TRHR: variants seen among roughly 807,000 people sequenced by gnomAD.
The protein encoded by TRHR is thyrotropin releasing hormone receptor, also known as thyrotropin-releasing hormone receptor.
A neutral mutation model predicts 28.0 loss-of-function variants in TRHR; 14 were observed. That is an observed-to-expected ratio of 0.50 (90% confidence interval 0.33 to 0.78). TRHR has a LOEUF of 0.78. Among genes scored for constraint, TRHR ranks in the 30% least tolerant of loss-of-function variants. TRHR has a pLI of 0.02. For synonymous variants in TRHR, 176 were observed against 171.9 expected, an observed-to-expected ratio of 1.02 and a Z score of -0.18; for missense variants, 438 against 469.5, an observed-to-expected ratio of 0.93 and a Z score of 0.62.
In TRHR at chr8:109,119,646, A is replaced by G. The variant is rs1811976811; in HGVS notation, c.*191A>G. 1 of 617,736 alleles carries G rather than the reference A, an allele frequency of 1.6e-6. No individual in the cohort carries two copies. The highest frequency in any genetic ancestry group is 3.0e-5 in the Admixed American group (1 of 33,380). The allele number at this position is 617,736 out of a possible 1,614,324, so 38.3% of individuals were successfully genotyped here. ...CAGACTTTCCTTCTTACAAACTAAT[A>G]TCACTAAAAATGGAGCAGATCTGTG... On this transcript the variant is annotated 3_prime_UTR_variant, in exon 3 of 3. Transcript: ENST00000518632.
intron 2 of TRHR, among the ~76,000 whole-genome samples, chr8:109,097,846 T>A (rs1470290509): frequency 1.3e-5 from 2 of 152,230 alleles, no homozygotes; most frequent in Non-Finnish European, 2.9e-5. Flanking sequence ...CCTTGGAGTT[T>A]CCATTCCAAA....
At chr8:109,106,895 G>C (rs1811759203) in intron 2 of TRHR, among the ~76,000 whole-genome samples, 1 of 152,112 alleles carries the variant, frequency 6.6e-6, no homozygotes, top group African/African-American at 2.4e-5. Flanking sequence ...AAACCCTCAA[G>C]GAGGCATCAT....
chr8:109,096,427 T>A (rs1268305298), intron 2 of TRHR, among the ~76,000 whole-genome samples: 1 of 152,216 alleles, frequency 6.6e-6, no homozygotes, highest in African/African-American at 2.4e-5. Flanking sequence ...TAATTCTTGG[T>A]CCTCATAATT....
At chr8:109,087,354 G>A (rs1184231083) in intron 1 of TRHR, 71 bp from the exon 2 acceptor site, 5 of 792,864 alleles carry the variant, frequency 6.3e-6, no homozygotes, top group South Asian at 3.1e-5. Flanking sequence ...TGGAAGTGAC[G>A]GTTATTTGTG....
intron 2 of TRHR, among the ~76,000 whole-genome samples, chr8:109,104,221 C>G (rs1258845328): frequency 6.6e-6 from 1 of 152,102 alleles, no homozygotes; most frequent in African/African-American, 2.4e-5. Context: ...AGTGACCAAA[C>G]ACAATTCCAA....
chr8:109,115,185 G>T (rs1453720734), intron 2 of TRHR, among the ~76,000 whole-genome samples: 1 of 151,978 alleles, frequency 6.6e-6, no homozygotes, highest in Admixed American at 6.6e-5. Flanking sequence ...TCTCTGTTTT[G>T]GTACCAGTAC....
chr8:109,107,018 T>G (rs1182315659), intron 2 of TRHR, among the ~76,000 whole-genome samples: 1 of 152,146 alleles, frequency 6.6e-6, no homozygotes, highest in Non-Finnish European at 1.5e-5. Flanking sequence ...GGAAAGTAAC[T>G]TGAAGAAGAA....
chr8:109,101,662 TCAGTAG>T (rs1210485051), intron 2 of TRHR, among the ~76,000 whole-genome samples: 1 of 152,194 alleles, frequency 6.6e-6, no homozygotes, highest in Non-Finnish European at 1.5e-5. Flanking sequence ...GAAACATATT[TCAGTAG>T]GTTAAGCATG....
chr8:109,088,200 A>T lies in TRHR; in HGVS notation c.688A>T (p.Asn230Tyr), dbSNP rs932694219. ...TCCCATTCCTTCAGATCCTAAAGAA[A>T]ACTCTAAGACATGGAAAAATGATTC... Reference protein sequence around the residue: ...LNPIPSDPKENSKTWKNDSTH... With the variant: ...LNPIPSDPKEYSKTWKNDSTH... The change falls in exon 2 of 3, where the codon AAC (asparagine) becomes TAC (tyrosine). Residue 230 changes from asparagine (N) to tyrosine (Y), a missense_variant. Transcript: ENST00000518632. The T allele has an allele frequency of 3.1e-6, 5 of 1,614,168 alleles. No homozygotes were observed. In the African/African-American group the frequency reaches 6.7e-5, roughly 22 times the overall value.
At chr8:109,091,583 A>T (rs1465757658) in intron 2 of TRHR, among the ~76,000 whole-genome samples, 1 of 152,214 alleles carries the variant, frequency 6.6e-6, no homozygotes, top group Middle Eastern at 3.2e-3. Flanking sequence ...TCAAATGTGC[A>T]TAGCCTAAAA....
At chr8:109,097,082 G>A (rs1324937302) in intron 2 of TRHR, among the ~76,000 whole-genome samples, 1 of 152,152 alleles carries the variant, frequency 6.6e-6, no homozygotes, top group East Asian at 1.9e-4. Flanking sequence ...AGGACAGGCT[G>A]ATTTGGAAAC....
At chr8:109,095,631 T>TGTA (rs1223490934) in intron 2 of TRHR, among the ~76,000 whole-genome samples, 2 of 152,206 alleles carry the variant, frequency 1.3e-5, no homozygotes, top group Admixed American at 1.3e-4. Flanking sequence ...GTCTTCAGTG[T>TGTA]GTAGCTTCAG....
At chr8:109,090,409 T>C (rs1034507670) in intron 2 of TRHR, among the ~76,000 whole-genome samples, 11 of 152,262 alleles carry the variant, frequency 7.2e-5, no homozygotes, top group African/African-American at 2.7e-4. Context: ...TAAGGAGTTT[T>C]TTTAAATAAT....
At position 109,087,761 on chromosome 8, in the gene TRHR, A is replaced by T. The variant is rs1294921803; in HGVS notation, c.249A>T (p.Ile83=). 6.2e-7 allele frequency: 1 copy of T among 1,614,144 alleles called. No individual in the cohort carries two copies. The highest frequency in any genetic ancestry group is 2.2e-5 in the East Asian group (1 of 44,870). Residue 83 remains isoleucine (I), a synonymous_variant, in exon 2 of 3, where the codon ATA becomes ATT. Coordinates refer to ENST00000518632, the MANE Select transcript of TRHR (RefSeq NM_003301.7). ...TGGTGGCCGCAGGCCTCCCCAACAT[A>T]ACAGACAGTATCTACGGTTCCTGGG... ...MVLVAAGLPN[I]TDSIYGSWVY... is the part of the protein sequence containing the mutation.
chr8:109,102,408 T>C (rs931391734), intron 2 of TRHR, among the ~76,000 whole-genome samples: 9 of 152,172 alleles, frequency 5.9e-5, no homozygotes, highest in Admixed American at 2.0e-4. Context: ...TTCTTTTTCT[T>C]GTCAGAAAGG....
At chr8:109,116,471 A>G (rs969279753) in intron 2 of TRHR, among the ~76,000 whole-genome samples, 1 of 151,976 alleles carries the variant, frequency 6.6e-6, no homozygotes, top group African/African-American at 2.4e-5. Flanking sequence ...TTATTGCCTC[A>G]ATTTCAGAGC....
intron 2 of TRHR, among the ~76,000 whole-genome samples, chr8:109,116,262 T>C (rs1257545920): frequency 1.3e-5 from 2 of 152,136 alleles, no homozygotes; most frequent in Non-Finnish European, 2.9e-5. Flanking sequence ...TCTAAAATTC[T>C]CTTTTTTTGT....
At chr8:109,116,316 T>A (rs1444498874) in intron 2 of TRHR, among the ~76,000 whole-genome samples, 1 of 152,176 alleles carries the variant, frequency 6.6e-6, no homozygotes, top group Non-Finnish European at 1.5e-5. Flanking sequence ...GTTGGCCTCA[T>A]AAAATGGATT....
At chr8:109,117,717 C>A (rs1030483696) in intron 2 of TRHR, among the ~76,000 whole-genome samples, 2 of 151,782 alleles carry the variant, frequency 1.3e-5, no homozygotes, top group African/African-American at 4.8e-5. Context: ...CTTTGATTTC[C>A]TATGACTAAT....
Sources: gnomAD v4.1 joint callset for allele counts (sites outside exome capture counted in the v4.1 genomes callset) on GRCh38, gnomAD v4.1.1 for gene constraint, MANE v1.5 for transcripts, NCBI Gene and HGNC (gene_info 2026-07-23, HGNC 2026-07-21) for gene names.